Variants in BRIP1 observed in about 807,000 individuals in gnomAD.
BRIP1 encodes BRCA1 interacting DNA helicase 1.
In BRIP1, 88 loss-of-function variants were observed where a neutral mutation model predicts 119.7. That is an observed-to-expected ratio of 0.74 (90% CI 0.62 to 0.88). BRIP1 has a LOEUF of 0.88. Among genes scored for constraint, BRIP1 ranks in the 40% least tolerant of loss-of-function variants. The pLI is 0.00. For synonymous variants in BRIP1, 443 were observed against 496.5 expected (o/e 0.89, Z 1.43); for missense variants, 1,259 against 1,455.4 (o/e 0.87, Z 2.20).
rs1398072097 is a variant in BRIP1 at position 61,823,470 on chromosome 17, G to A, written c.628-14713C>T. Among the ~76,000 whole-genome samples the A allele has an allele frequency of 6.6e-6, 1 of 152,080 alleles. No homozygotes were observed. Among genetic ancestry groups the A allele is most frequent in the African/African-American group, 2.4e-5 (1 of 41,392 alleles). On this transcript the variant is annotated intron_variant, in intron 6 of 19. Transcript: ENST00000259008. This position sits in a 1 kb window ranked among gnomAD's most constrained non-coding sequence, Gnocchi z 4.8. ...AATAACTGAAAAGAAAAATCCACTA[G>A]TAAGATTTAACACCAAATTAGAAAT...
In BRIP1 at chr17:61,740,883, G is replaced by A. The variant is rs1488968098; in HGVS notation, c.2379+2130C>T. Among the ~76,000 whole-genome samples the A allele has an allele frequency of 6.6e-6, 1 of 152,130 alleles. No individual in the cohort carries two copies. Among genetic ancestry groups the A allele is most frequent in the African/African-American group, 2.4e-5 (1 of 41,416 alleles). ...GATCAGGGTGGTGGTTGCTAACGTT[G>A]GAGTGGCTGTGGCAATTTCTTAAAA... On this transcript the variant is annotated intron_variant, in intron 16 of 19. Transcript: ENST00000259008. The surrounding 1 kb of genome is among the most constrained non-coding windows in gnomAD (Gnocchi z 5.4).
intron 6 of BRIP1, among the ~76,000 whole-genome samples, chr17:61,836,122 T>C (rs1050129047): frequency 2.0e-5 from 3 of 148,482 alleles, no homozygotes; most frequent in African/African-American, 7.4e-5. Flanking sequence ...TTTTTTTTTT[T>C]TTTTTTTTGA....
chr17:61,683,379 G>C lies in BRIP1; in HGVS notation c.3667C>G (p.Leu1223Val), dbSNP rs748310432. ...VKTTWINELELGKTHEIEIKN... is the reference protein window; with the variant it reads ...VKTTWINELEVGKTHEIEIKN... ...ATTTCTATTTCATGAGTTTTTCCCA[G>C]TTCCAGTTCATTTATCCAAGTTGTT... The change falls in exon 20 of 20, where the codon CTG becomes GTG. Residue 1223 changes from leucine (L) to valine (V), a missense_variant. By Grantham distance (32) the Leu-to-Val change is conservative. Transcript: ENST00000259008. This position sits in a 1 kb window ranked among gnomAD's most constrained non-coding sequence, Gnocchi z 4.7. 1.2e-6 allele frequency: 2 copies of C among 1,612,730 alleles called. No homozygotes were observed. Among genetic ancestry groups the C allele is most frequent in the South Asian group, 2.2e-5 (2 of 90,780 alleles).
rs1021995884 is a variant in BRIP1 at position 61,767,159 on chromosome 17, A to G, written c.2097+9242T>C. 6.6e-6 allele frequency among the ~76,000 whole-genome samples: 1 copy of G among 152,214 alleles called. No homozygotes were observed. The highest frequency in any genetic ancestry group is 1.5e-5 in the Non-Finnish European group (1 of 68,032). On this transcript the variant is annotated intron_variant, in intron 14 of 19. Transcript: ENST00000259008. This position sits in a 1 kb window ranked among gnomAD's most constrained non-coding sequence, Gnocchi z 5.7. The stretch of plus-strand genomic sequence containing the variant: ...AAAGAATATTAGTTTTTACTCAGTG[A>G]AAGAGTAAAGTTTTGAGTAAATCAC...
intron 14 of BRIP1, among the ~76,000 whole-genome samples, chr17:61,772,174 T>TAATGAA: frequency 3.4e-5 from 2 of 58,058 alleles, no homozygotes; most frequent in East Asian, 1.1e-3. Flanking sequence ...TATATATATA[T>TAATGAA]ATATATATAT....
chr17:61,808,402 A>G lies in BRIP1; in HGVS notation c.918+65T>C. On this transcript the variant is annotated intron_variant, in intron 7 of 19. Transcript: ENST00000259008. This position sits in a 1 kb window ranked among gnomAD's most constrained non-coding sequence, Gnocchi z 4.1. ...TATCACTAAAATGTACATATAAAACACATACTGAGTAATTTAAATATTTTC... is the reference window on the plus strand; with the variant it reads ...TATCACTAAAATGTACATATAAAACGCATACTGAGTAATTTAAATATTTTC... 3.4e-6 allele frequency: 5 copies of G among 1,484,402 alleles called. No individual in the cohort carries two copies. The highest frequency in any genetic ancestry group is 4.7e-6 in the Non-Finnish European group (5 of 1,066,266). 92.0% of individuals were successfully genotyped at this position (1,484,402 alleles called of 1,614,324 possible).
In BRIP1 at chr17:61,816,238, AG is replaced by A. The variant is rs1181001368; in HGVS notation, c.628-7482del. 6.6e-6 allele frequency among the ~76,000 whole-genome samples: 1 copy of A among 152,224 alleles called. No individual in the cohort carries two copies. The highest frequency in any genetic ancestry group is 2.4e-5 in the African/African-American group (1 of 41,458). On this transcript the variant is annotated intron_variant, in intron 6 of 19. Transcript: ENST00000259008. The surrounding 1 kb of genome is among the most constrained non-coding windows in gnomAD (Gnocchi z 5.0). ...CAGGTAGGGGATCAGATACAGTGTC[AG>A]GTGAGAGTGTGTAATACAAATCCAC...
chr17:61,803,275 G>A lies in BRIP1; in HGVS notation c.919-1801C>T, dbSNP rs2078022969. 1.3e-5 allele frequency among the ~76,000 whole-genome samples: 2 copies of A among 151,994 alleles called. No homozygotes were observed. The highest frequency in any genetic ancestry group is 4.8e-5 in the African/African-American group (2 of 41,360). ...TATGGCTCCTTTTTTGTAGAGACAG[G>A]GTTTTGTCATGTTGCTCAGGCTGGT... On this transcript the variant is annotated intron_variant, in intron 7 of 19. Coordinates refer to ENST00000259008, the MANE Select transcript of BRIP1 (RefSeq NM_032043.3). This position sits in a 1 kb window ranked among gnomAD's most constrained non-coding sequence, Gnocchi z 4.3.
At chr17:61,833,374 AATT>A (rs1301900196) in intron 6 of BRIP1, among the ~76,000 whole-genome samples, 2 of 152,188 alleles carry the variant, frequency 1.3e-5, no homozygotes, top group African/African-American at 2.4e-5. Context: ...GCTCTCAAAA[AATT>A]ATAATTACTG....
intron 17 of BRIP1, among the ~76,000 whole-genome samples, chr17:61,714,459 T>TAG (rs1462989549): frequency 2.6e-5 from 4 of 152,322 alleles, no homozygotes; most frequent in African/African-American, 9.6e-5. Context: ...CAATTGTCTA[T>TAG]AGTACAGTAA....
rs757299352 is a variant in BRIP1, at chr17:61,769,762, A to G, written c.2097+6639T>C. 5.3e-5 allele frequency among the ~76,000 whole-genome samples: 8 copies of G among 152,212 alleles called. No individual in the cohort carries two copies. Among genetic ancestry groups the G allele is most frequent in the Non-Finnish European group, 1.2e-4 (8 of 68,038 alleles). ...ACCCTGAAATCTGGAGAGACAGGTA[A>G]ATACAGAGAATCAAGATATGCTTAC... On this transcript the variant is annotated intron_variant, in intron 14 of 19. Coordinates refer to ENST00000259008, the MANE Select transcript of BRIP1 (RefSeq NM_032043.3). This position sits in a 1 kb window ranked among gnomAD's most constrained non-coding sequence, Gnocchi z 4.9.
chr17:61,791,351 T>C (rs1406160004), intron 10 of BRIP1, among the ~76,000 whole-genome samples: 1 of 151,454 alleles, frequency 6.6e-6, no homozygotes, highest in Non-Finnish European at 1.5e-5. Context: ...TAGCCGGGCA[T>C]GGTGGGGCAT....
chr17:61,806,688 T>A lies in BRIP1; in HGVS notation c.918+1779A>T, dbSNP rs554419525. ...CTTTTACCAATGTATTTTACCAATG[T>A]ATGTTTTTGGTTGGTTGGTTGTTTT... On this transcript the variant is annotated intron_variant, in intron 7 of 19. Coordinates refer to ENST00000259008, the MANE Select transcript of BRIP1 (RefSeq NM_032043.3). This position sits in a 1 kb window ranked among gnomAD's most constrained non-coding sequence, Gnocchi z 4.9. Among the ~76,000 whole-genome samples the A allele has an allele frequency of 1.2e-5, 1 of 80,700 alleles. No homozygotes were observed. The highest frequency in any genetic ancestry group is 4.5e-4 in the South Asian group (1 of 2,242). 52.9% of individuals were successfully genotyped at this position (80,700 alleles called of 152,430 possible).
chr17:61,794,696 A>G lies in BRIP1; in HGVS notation c.1341-967T>C, dbSNP rs1245461284. 1.3e-5 allele frequency among the ~76,000 whole-genome samples: 2 copies of G among 151,956 alleles called. No individual in the cohort carries two copies. The highest frequency in any genetic ancestry group is 2.9e-5 in the Non-Finnish European group (2 of 67,986). On this transcript the variant is annotated intron_variant, in intron 9 of 19. Transcript: ENST00000259008. The surrounding 1 kb of genome is among the most constrained non-coding windows in gnomAD (Gnocchi z 4.3). The stretch of plus-strand genomic sequence containing the variant: ...CCCTGAACTTAAAAGTTAAAAAAAA[A>G]AGTTCTAATAAAATGAAAAAAAAAT...
intron 6 of BRIP1, among the ~76,000 whole-genome samples, chr17:61,811,390 ATGT>A (rs934237934): frequency 3.3e-5 from 5 of 151,628 alleles, no homozygotes; most frequent in African/African-American, 7.3e-5. Flanking sequence ...CGCCTGGCTA[ATGT>A]TGTGTTTTTA....
chr17:61,783,308 C>A (rs2077651592), intron 11 of BRIP1, among the ~76,000 whole-genome samples: 1 of 152,024 alleles, frequency 6.6e-6, no homozygotes, highest in Non-Finnish European at 1.5e-5. Context: ...CACAAAAAGA[C>A]AAACATTGTA....
In BRIP1 at chr17:61,691,168, T is replaced by C. The variant is rs2061442051; in HGVS notation, c.2575+2262A>G. Among the ~76,000 whole-genome samples, 1 of 152,032 alleles carries C rather than the reference T, an allele frequency of 6.6e-6. No individual in the cohort carries two copies. The highest frequency in any genetic ancestry group is 2.4e-5 in the African/African-American group (1 of 41,364). On this transcript the variant is annotated intron_variant, in intron 18 of 19. Transcript: ENST00000259008. The surrounding 1 kb of genome is among the most constrained non-coding windows in gnomAD (Gnocchi z 5.0). The stretch of plus-strand genomic sequence containing the variant: ...AGTTAATGGGTGCAGCACACTAACA[T>C]GGGACATGTATACATATGTAACAAA...
In BRIP1 at chr17:61,736,848, A is replaced by G. The variant is rs2076925431; in HGVS notation, c.2379+6165T>C. Among the ~76,000 whole-genome samples the G allele has an allele frequency of 6.6e-6, 1 of 152,212 alleles. No individual in the cohort carries two copies. Among genetic ancestry groups the G allele is most frequent in the Non-Finnish European group, 1.5e-5 (1 of 68,018 alleles). ...TAAATATGTGCTTTAGGAAATAATA[A>G]AGGACACTGGTAAAGGTAACTGCAG... On this transcript the variant is annotated intron_variant, in intron 16 of 19. Coordinates refer to ENST00000259008, the MANE Select transcript of BRIP1 (RefSeq NM_032043.3). This position sits in a 1 kb window ranked among gnomAD's most constrained non-coding sequence, Gnocchi z 4.4.
chr17:61,824,925 T>C lies in BRIP1; in HGVS notation c.628-16168A>G, dbSNP rs2078381507. On this transcript the variant is annotated intron_variant, in intron 6 of 19. Transcript: ENST00000259008. This position sits in a 1 kb window ranked among gnomAD's most constrained non-coding sequence, Gnocchi z 4.3. Reference sequence around the variant, plus strand: ...CGACAAAAGCAATCCAATTCCAAAATGGACAAAGGCAACATCATACTGAAT... The same window carrying C: ...CGACAAAAGCAATCCAATTCCAAAACGGACAAAGGCAACATCATACTGAAT... 6.6e-6 allele frequency among the ~76,000 whole-genome samples: 1 copy of C among 152,096 alleles called. No individual in the cohort carries two copies. Among genetic ancestry groups the C allele is most frequent in the Non-Finnish European group, 1.5e-5 (1 of 68,014 alleles).
Sources: allele counts gnomAD v4.1 joint callset (sites outside exome capture counted in the v4.1 genomes callset), GRCh38; gene constraint gnomAD v4.1.1; non-coding constraint Gnocchi (gnomAD v3.1); transcripts MANE v1.5; gene names NCBI Gene and HGNC (gene_info 2026-07-23, HGNC 2026-07-21).